The following IQCH variants were observed in gnomAD, a reference collection of about 807,000 sequenced individuals.
The protein encoded by IQCH is IQ domain-containing protein H.
Under a neutral mutation model 117.0 loss-of-function variants are expected in IQCH, and 98 were observed. That is an observed-to-expected ratio of 0.84 (90% CI 0.71 to 0.99). IQCH has a LOEUF of 0.99. IQCH is among the 50% of genes least tolerant of loss of function. The pLI, the probability that IQCH is intolerant of heterozygous loss-of-function variation, is 0.00. For missense variants in IQCH, 1,102 were observed against 1,243.8 expected (o/e 0.89, Z 1.72); for synonymous variants, 412 against 448.2 (o/e 0.92, Z 1.02).
chr15:67,282,943 T>G (rs1057404795), intron 4 of IQCH, among the ~76,000 whole-genome samples: 1 of 152,088 alleles, frequency 6.6e-6, no homozygotes, highest in African/African-American at 2.4e-5. Context: ...ACATTTACAA[T>G]TTAAAAAAGA....
At chr15:67,347,554 A>T (rs1327238218) in intron 6 of IQCH, among the ~76,000 whole-genome samples, 2 of 151,900 alleles carry the variant, frequency 1.3e-5, no homozygotes, top group Non-Finnish European at 2.9e-5. Flanking sequence ...AAGAAAAAAA[A>T]TGATACCATA....
Position 67,465,019 on chromosome 15 carries a change from C to A in IQCH, c.2506-108C>A. ...CATCTACTCCATTAAGACACATGGT[C>A]ACTGGTTTCACTTAGTCTGATGTAG... On this transcript the variant is annotated intron_variant, in intron 16 of 20. Transcript: ENST00000335894. This position sits in a 1 kb window ranked among gnomAD's most constrained non-coding sequence, Gnocchi z 5.9. 1 of 952,674 alleles carries A rather than the reference C, an allele frequency of 1.0e-6. No individual in the cohort carries two copies. The highest frequency in any genetic ancestry group is 1.6e-5 in the South Asian group (1 of 62,804). The allele number at this position is 952,674 out of a possible 1,614,324, so 59.0% of individuals were successfully genotyped here.
Position 67,261,413 on chromosome 15 carries a change from A to G in IQCH, c.174+19A>G. 1 of 1,567,006 alleles carries G rather than the reference A, an allele frequency of 6.4e-7. No individual in the cohort carries two copies. Among genetic ancestry groups the G allele is most frequent in the South Asian group, 1.2e-5 (1 of 82,616 alleles). On this transcript the variant is annotated intron_variant, in intron 2 of 20. Coordinates refer to ENST00000335894, the MANE Select transcript of IQCH (RefSeq NM_001031715.3). ...GTTAAGAGTAAGTAGAGCTTTAGAT[A>G]TTAAAATACTGGAAGGAGACAAAGC...
At chr15:67,375,703 G>A (rs917538124) in intron 10 of IQCH, among the ~76,000 whole-genome samples, 1 of 151,042 alleles carries the variant, frequency 6.6e-6, no homozygotes, top group East Asian at 1.9e-4. Flanking sequence ...CATTTTAAAA[G>A]ATTAATTGCA....
In IQCH at chr15:67,426,690, C is replaced by T. The variant is rs1457780572; in HGVS notation, c.2505+5113C>T. 6.6e-6 allele frequency among the ~76,000 whole-genome samples: 1 copy of T among 151,788 alleles called. No homozygotes were observed. The highest frequency in any genetic ancestry group is 1.5e-5 in the Non-Finnish European group (1 of 67,962). On this transcript the variant is annotated intron_variant, in intron 16 of 20. Coordinates refer to ENST00000335894, the MANE Select transcript of IQCH (RefSeq NM_001031715.3). This position sits in a 1 kb window ranked among gnomAD's most constrained non-coding sequence, Gnocchi z 5.1. ...TGTGTATATTTACAAAATAAAATCC[C>T]AGGCCAGATGTGGTGGCTCATGCCT...
chr15:67,423,016 A>C (rs140827114), intron 16 of IQCH, among the ~76,000 whole-genome samples: 23 of 152,344 alleles, frequency 1.5e-4, no homozygotes, highest in Non-Finnish European at 2.5e-4. Context: ...GATGGTTTCA[A>C]AGTGAGAGTT....
rs2082010553 is a variant in IQCH at position 67,431,140 on chromosome 15, G to A, written c.2505+9563G>A. 6.6e-6 allele frequency among the ~76,000 whole-genome samples: 1 copy of A among 151,924 alleles called. No individual in the cohort carries two copies. Among genetic ancestry groups the A allele is most frequent in the African/African-American group, 2.4e-5 (1 of 41,358 alleles). On this transcript the variant is annotated intron_variant, in intron 16 of 20. Transcript: ENST00000335894. The surrounding 1 kb of genome is among the most constrained non-coding windows in gnomAD (Gnocchi z 4.8). ...TGGGAAAAAGCACAGAACACATATG[G>A]ATAAAAATGATGATCTAAGTCTTAC...
In IQCH at chr15:67,463,589, A is replaced by G. The variant is rs1364842905; in HGVS notation, c.2506-1538A>G. On this transcript the variant is annotated intron_variant, in intron 16 of 20. Transcript: ENST00000335894. The surrounding 1 kb of genome is among the most constrained non-coding windows in gnomAD (Gnocchi z 4.0). ...GGGTTGTTATTTTTTAGGCTACCAC[A>G]GAGATCTGAGATATTTATGATTCAC... Among the ~76,000 whole-genome samples, 1 of 152,178 alleles carries G rather than the reference A, an allele frequency of 6.6e-6. No individual in the cohort carries two copies. Among genetic ancestry groups the G allele is most frequent in the African/African-American group, 2.4e-5 (1 of 41,438 alleles).
At chr15:67,414,513 A>G (rs1039473836) in intron 14 of IQCH, among the ~76,000 whole-genome samples, 2 of 152,064 alleles carry the variant, frequency 1.3e-5, no homozygotes, top group Non-Finnish European at 2.9e-5. Flanking sequence ...GCCAGAGGCC[A>G]TATCACAGAG....
intron 16 of IQCH, among the ~76,000 whole-genome samples, chr15:67,451,196 T>G (rs1464742720): frequency 6.6e-6 from 1 of 152,260 alleles, no homozygotes; most frequent in Non-Finnish European, 1.5e-5. Context: ...ATTGATTTTT[T>G]GAAGGGTTTC....
At chr15:67,273,368 C>T (rs971463030) in intron 3 of IQCH, among the ~76,000 whole-genome samples, 6 of 152,288 alleles carry the variant, frequency 3.9e-5, no homozygotes, top group Admixed American at 3.9e-4. Flanking sequence ...CCATGCCTGG[C>T]CTGAGCCACC....
At chr15:67,394,089 C>G (rs573956838) in intron 12 of IQCH, among the ~76,000 whole-genome samples, 1 of 152,098 alleles carries the variant, frequency 6.6e-6, no homozygotes, top group African/African-American at 2.4e-5. Flanking sequence ...CCATCACTTT[C>G]CTGTGTGCCA....
At chr15:67,420,102 C>T (rs903354010) in intron 15 of IQCH, among the ~76,000 whole-genome samples, 1 of 152,112 alleles carries the variant, frequency 6.6e-6, no homozygotes, top group African/African-American at 2.4e-5. Context: ...CACGAGTAGG[C>T]CTCATTTGAA....
chr15:67,459,963 C>CA lies in IQCH; in HGVS notation c.2506-5162dup, dbSNP rs1325037515. On this transcript the variant is annotated intron_variant, in intron 16 of 20. Transcript: ENST00000335894. The surrounding 1 kb of genome is among the most constrained non-coding windows in gnomAD (Gnocchi z 4.2). ...AGGAGTTTGAGACCAGCCTGGGCAA[C>CA]AAGATCTTGTCTCTACAAAAAAGGA... 2.6e-5 allele frequency: 4 copies of CA among 151,682 alleles called. No homozygotes were observed. The highest frequency in any genetic ancestry group is 4.4e-5 in the Non-Finnish European group (3 of 68,000). The allele number at this position is 151,682 out of a possible 1,614,324, so 9.4% of individuals were successfully genotyped here. A position where few individuals can be genotyped will look rare whatever the true frequency, so the allele number is the denominator to read the frequency against.
intron 5 of IQCH, among the ~76,000 whole-genome samples, chr15:67,340,144 G>A (rs34630901): frequency 0.039 from 5,974 of 151,920 alleles, 212 homozygotes; most frequent in South Asian, 0.17. Flanking sequence ...AAAGTGACTC[G>A]TCGGCCAGCA....
rs1971453257 is a variant in IQCH at position 67,395,860 on chromosome 15, G to A, written c.1905+297G>A. Among the ~76,000 whole-genome samples the A allele has an allele frequency of 6.6e-6, 1 of 151,884 alleles. No individual in the cohort carries two copies. The highest frequency in any genetic ancestry group is 2.4e-5 in the African/African-American group (1 of 41,308). On this transcript the variant is annotated intron_variant, in intron 13 of 20. Coordinates refer to ENST00000335894, the MANE Select transcript of IQCH (RefSeq NM_001031715.3). The surrounding 1 kb of genome is among the most constrained non-coding windows in gnomAD (Gnocchi z 4.0). ...AATTTTTGTATTTTTAGTAGAGATG[G>A]GGTTTCACCATGTTGGCCAGGCTGG...
At position 67,385,991 on chromosome 15, in the gene IQCH, A is replaced by G. The variant is rs1347586245; in HGVS notation, c.1456+972A>G. Among the ~76,000 whole-genome samples the G allele has an allele frequency of 6.6e-6, 1 of 152,206 alleles. No individual in the cohort carries two copies. The highest frequency in any genetic ancestry group is 1.5e-5 in the Non-Finnish European group (1 of 68,034). ...TAAATGCTATTTGGTATCAAAAAATACATCAGTACTAGAAATTTACAGTGT... is the reference window on the plus strand; with the variant it reads ...TAAATGCTATTTGGTATCAAAAAATGCATCAGTACTAGAAATTTACAGTGT... On this transcript the variant is annotated intron_variant, in intron 11 of 20. Transcript: ENST00000335894. The surrounding 1 kb of genome is among the most constrained non-coding windows in gnomAD (Gnocchi z 4.6).
In IQCH at chr15:67,431,400, T is replaced by A. The variant is rs1240703215; in HGVS notation, c.2505+9823T>A. Among the ~76,000 whole-genome samples the A allele has an allele frequency of 6.6e-6, 1 of 152,060 alleles. No individual in the cohort carries two copies. The highest frequency in any genetic ancestry group is 1.9e-4 in the East Asian group (1 of 5,186). Reference sequence around the variant, plus strand: ...AACACAGGAACAGAAAACCAAATACTGCATGTTCCCACTTATAAGTGGGAG... The same window carrying A: ...AACACAGGAACAGAAAACCAAATACAGCATGTTCCCACTTATAAGTGGGAG... On this transcript the variant is annotated intron_variant, in intron 16 of 20. Transcript: ENST00000335894. The surrounding 1 kb of genome is among the most constrained non-coding windows in gnomAD (Gnocchi z 4.8).
chr15:67,432,356 C>T lies in IQCH; in HGVS notation c.2505+10779C>T, dbSNP rs2140944356. Among the ~76,000 whole-genome samples, 1 of 152,238 alleles carries T rather than the reference C, an allele frequency of 6.6e-6. No individual in the cohort carries two copies. The highest frequency in any genetic ancestry group is 2.1e-4 in the South Asian group (1 of 4,822). On this transcript the variant is annotated intron_variant, in intron 16 of 20. Transcript: ENST00000335894. This position sits in a 1 kb window ranked among gnomAD's most constrained non-coding sequence, Gnocchi z 5.0. ...AACGATTTTTAAGAGTTTCTAAATA[C>T]AGAATATCAGCCTAGAATAAAAAAA... is the stretch of plus-strand genomic sequence containing the variant.
Sources: gnomAD v4.1 joint callset for allele counts (sites outside exome capture counted in the v4.1 genomes callset) on GRCh38, gnomAD v4.1.1 for gene constraint, Gnocchi (gnomAD v3.1) non-coding constraint, MANE v1.5 for transcripts, NCBI Gene and HGNC (gene_info 2026-07-23, HGNC 2026-07-21) for gene names.